The following UTRN variants were observed in gnomAD, a reference collection of about 807,000 sequenced individuals.
UTRN encodes the protein utrophin.
A neutral mutation model predicts 463.9 loss-of-function variants in UTRN; 283 were observed. The observed-to-expected ratio is 0.61, with a 90% CI of 0.55 to 0.67. UTRN has a LOEUF of 0.67. Among genes scored for constraint, UTRN ranks in the 30% least tolerant of loss-of-function variants. The pLI is 0.00. For synonymous variants in UTRN, 1,442 were observed against 1,431.5 expected, an observed-to-expected ratio of 1.01 and a Z score of -0.17; for missense variants, 3,922 against 4,084.3, an observed-to-expected ratio of 0.96 and a Z score of 1.08.
intron 54 of UTRN, among the ~76,000 whole-genome samples, chr6:144,737,622 A>C (rs1243440403): frequency 1.3e-5 from 2 of 152,214 alleles, no homozygotes; most frequent in Non-Finnish European, 2.9e-5. Flanking sequence ...TGGAAAACTC[A>C]ACTACTCAGA....
At chr6:144,381,939 C>T (rs983587733) in intron 2 of UTRN, among the ~76,000 whole-genome samples, 3 of 152,320 alleles carry the variant, frequency 2.0e-5, no homozygotes, top group Admixed American at 1.3e-4. Context: ...ATGTTGTCTT[C>T]CACAGTGTTT....
chr6:144,453,288 A>G (rs1788509524), intron 18 of UTRN, among the ~76,000 whole-genome samples: 1 of 151,942 alleles, frequency 6.6e-6, no homozygotes, highest in African/African-American at 2.4e-5. Flanking sequence ...ACGCTTGGCT[A>G]ATTTTTGTAT....
Position 144,580,287 on chromosome 6 carries a change from C to T in UTRN, c.7479+2999C>T, listed in dbSNP as rs149477717. ...CTAAGGAAGATGGAATAAGGAGCTCCGTGTATCTTTGCTGCATGCACAGGA... is the reference window on the plus strand; with the variant it reads ...CTAAGGAAGATGGAATAAGGAGCTCTGTGTATCTTTGCTGCATGCACAGGA... On this transcript the variant is annotated intron_variant, in intron 51 of 74. Transcript: ENST00000367545. Among the ~76,000 whole-genome samples, 938 of 152,092 alleles carry T rather than the reference C, an allele frequency of 6.2e-3. 4 individuals are homozygous for T. Among genetic ancestry groups the T allele is most frequent in the Non-Finnish European group, 0.01 (703 of 67,984 alleles).
rs570429058 is a variant in UTRN at position 144,834,933 on chromosome 6, G to A, written c.9666-847G>A. Among the ~76,000 whole-genome samples, 9 of 152,238 alleles carry A rather than the reference G, an allele frequency of 5.9e-5. No homozygotes were observed. In the South Asian group the frequency reaches 6.2e-4, roughly 11 times the overall value. ...CTTGTTTACCAAAAGCCATCAAAAC[G>A]GACCACGTGCCATCTGCTAATGGAC... On this transcript the variant is annotated intron_variant, in intron 69 of 74. Transcript: ENST00000367545.
intron 2 of UTRN, among the ~76,000 whole-genome samples, chr6:144,366,106 T>C (rs1241273880): frequency 1.3e-5 from 2 of 152,332 alleles, no homozygotes; most frequent in Non-Finnish European, 2.9e-5. Flanking sequence ...TCGCATTCTA[T>C]TTCTGACACA....
At chr6:144,745,339 G>T (rs1790601029) in intron 54 of UTRN, among the ~76,000 whole-genome samples, 1 of 151,276 alleles carries the variant, frequency 6.6e-6, no homozygotes, top group African/African-American at 2.4e-5. Context: ...ACCCCAAATA[G>T]TCATACCTTC....
At chr6:144,696,494 C>T (rs1042707696) in intron 52 of UTRN, among the ~76,000 whole-genome samples, 4 of 152,186 alleles carry the variant, frequency 2.6e-5, no homozygotes, top group African/African-American at 9.6e-5. Flanking sequence ...GTGTTCTTTT[C>T]AGCACCGTCA....
At chr6:144,839,430 T>G in intron 72 of UTRN, 146 bp downstream of exon 72, 1 of 554,614 alleles carries the variant, frequency 1.8e-6, no homozygotes, top group Non-Finnish European at 3.1e-6. Flanking sequence ...TAGGTGCAAA[T>G]CCATTTCAAC....
chr6:144,706,640 G>GTATGTCATC (rs1785130131), intron 53 of UTRN: 1 of 152,038 alleles, frequency 6.6e-6, no homozygotes, highest in African/African-American at 2.4e-5. Context: ...TACATTTCAA[G>GTATGTCATC]TATGTCATCA....
At chr6:144,788,498 T>C (rs1258191075) in intron 61 of UTRN, among the ~76,000 whole-genome samples, 5 of 152,148 alleles carry the variant, frequency 3.3e-5, no homozygotes, top group Non-Finnish European at 7.4e-5. Flanking sequence ...ATATATATAG[T>C]GTGCGTAGCT....
chr6:144,448,255 C>T (rs989189859), intron 16 of UTRN, among the ~76,000 whole-genome samples: 45 of 152,126 alleles, frequency 3.0e-4, no homozygotes, highest in African/African-American at 1.1e-3. Context: ...ATAGATGAAC[C>T]TTGAAAACAC....
At chr6:144,829,830 TATC>T (rs1300434182) in intron 69 of UTRN, among the ~76,000 whole-genome samples, 2 of 152,122 alleles carry the variant, frequency 1.3e-5, no homozygotes, top group African/African-American at 4.8e-5. Flanking sequence ...AAATAAAAGT[TATC>T]AGGAGGTTTT....
chr6:144,468,103 A>G (rs1790141741), intron 23 of UTRN, among the ~76,000 whole-genome samples: 1 of 152,128 alleles, frequency 6.6e-6, no homozygotes, highest in Non-Finnish European at 1.5e-5. Flanking sequence ...AGAAAATGCC[A>G]AGAATTTAGC....
At chr6:144,457,132 G>A (rs1433953394) in intron 19 of UTRN, among the ~76,000 whole-genome samples, 1 of 152,168 alleles carries the variant, frequency 6.6e-6, no homozygotes, top group Non-Finnish European at 1.5e-5. Context: ...ACAATGTGCA[G>A]TTTTCCTTTT....
At chr6:144,298,394 C>T (rs984738744) in intron 2 of UTRN, among the ~76,000 whole-genome samples, 10 of 152,074 alleles carry the variant, frequency 6.6e-5, no homozygotes, top group Non-Finnish European at 1.5e-4. Context: ...TGTGGTTTTC[C>T]AATCTTTGCA....
intron 32 of UTRN, among the ~76,000 whole-genome samples, chr6:144,491,415 A>T (rs1241294459): frequency 6.6e-6 from 1 of 152,224 alleles, no homozygotes; most frequent in East Asian, 1.9e-4. Context: ...TGTGACTAAT[A>T]AGCAAAGTTT....
At chr6:144,670,221 G>A (rs1780862766) in intron 51 of UTRN, among the ~76,000 whole-genome samples, 2 of 152,024 alleles carry the variant, frequency 1.3e-5, no homozygotes, top group South Asian at 4.1e-4. Flanking sequence ...TTTCATAGTG[G>A]TTGTACTAGT....
At chr6:144,296,484 G>A (rs80003193) in intron 2 of UTRN, among the ~76,000 whole-genome samples, 6,534 of 152,258 alleles carry the variant, frequency 0.043, 454 homozygotes, top group African/African-American at 0.15. Flanking sequence ...CAAGAGCAGG[G>A]ACCAATACAT....
chr6:144,730,548 T>C, intron 54 of UTRN, 62 bp downstream of exon 54: 2 of 1,455,936 alleles, frequency 1.4e-6, no homozygotes, highest in Non-Finnish European at 1.8e-6. Context: ...AAACCCAAAA[T>C]CAAGTAGGAA....
Sources: gnomAD v4.1 joint callset for allele counts (sites outside exome capture counted in the v4.1 genomes callset) on GRCh38, gnomAD v4.1.1 for gene constraint, MANE v1.5 for transcripts, NCBI Gene and HGNC (gene_info 2026-07-23, HGNC 2026-07-21) for gene names.